Variants in CDON observed in about 807,000 individuals in gnomAD.
CDON encodes the protein cell adhesion molecule-related/down-regulated by oncogenes.
A neutral mutation model predicts 120.9 loss-of-function variants in CDON; 73 were observed. That is an observed-to-expected ratio of 0.60 (90% CI 0.50 to 0.73). CDON has a LOEUF of 0.73. Among genes scored for constraint, CDON ranks in the 30% least tolerant of loss-of-function variants. CDON has a pLI of 0.00. For missense variants in CDON, 1,470 were observed against 1,587.3 expected, an observed-to-expected ratio of 0.93 and a Z score of 1.26; for synonymous variants, 566 against 573.5, an observed-to-expected ratio of 0.99 and a Z score of 0.19.
chr11:126,036,001 A>T lies in CDON; in HGVS notation c.-61-12464T>A, dbSNP rs536840700. Among the ~76,000 whole-genome samples, 9 of 152,306 alleles carry T rather than the reference A, an allele frequency of 5.9e-5. No individual in the cohort carries two copies. The South Asian group carries it at 1.9e-3, about 32-fold the overall frequency. On this transcript the variant is annotated intron_variant, in intron 1 of 19. Coordinates refer to ENST00000531738, the MANE Select transcript of CDON (RefSeq NM_001378964.1). The stretch of plus-strand genomic sequence containing the variant: ...CAGATTGTAACACAACACTGGCAGG[A>T]TGGTCAAAGAAATAATTCACAGACA...
At chr11:126,055,739 T>A (rs1470623253) in intron 1 of CDON, among the ~76,000 whole-genome samples, 1 of 152,230 alleles carries the variant, frequency 6.6e-6, no homozygotes, top group Non-Finnish European at 1.5e-5. Context: ...GCTTCAGATG[T>A]GTACCTATAT....
rs2134694209 is a variant in CDON, at chr11:126,021,368, T to A, written c.229A>T (p.Ile77Phe). Residue 77 changes from isoleucine (I) to phenylalanine (F), a missense_variant, in exon 3 of 20, where the codon ATT becomes TTT. By Grantham distance (21) the Ile-to-Phe change is conservative. Transcript: ENST00000531738. ...AGAATTGTCAGAGTCCCCTGATGAA[T>A]CTTAACATGTTCCAGGTTTCCATCC... is the stretch of plus-strand genomic sequence containing the variant. The part of the protein sequence containing the change: ...TLDGNLEHVK[I>F]HQGTLTILSL... 6.2e-7 allele frequency: 1 copy of A among 1,614,078 alleles called. No homozygotes were observed. Among genetic ancestry groups the A allele is most frequent in the African/African-American group, 1.3e-5 (1 of 75,004 alleles).
At position 126,005,972 on chromosome 11, in the gene CDON, T is replaced by C; in HGVS notation, c.1638A>G (p.Ser546=). The C allele has an allele frequency of 1.2e-6, 2 of 1,614,172 alleles. No individual in the cohort carries two copies. Among genetic ancestry groups the C allele is most frequent in the Non-Finnish European group, 8.5e-7 (1 of 1,180,016 alleles). ...QNDDRSKRDG[S]ETGLLSSFPV... is the part of the protein sequence containing the mutation. The stretch of plus-strand genomic sequence containing the variant: ...GAAATGAGCTCAGTAACCCAGTTTC[T>C]GAACCATCTCTCTTACTTCTGTCAT... Residue 546 remains serine, a synonymous_variant, in exon 9 of 20, where the codon TCA becomes TCG. Transcript: ENST00000531738.
At chr11:125,965,952 T>C (rs1341479408) in intron 18 of CDON, among the ~76,000 whole-genome samples, 1 of 152,050 alleles carries the variant, frequency 6.6e-6, no homozygotes, top group Non-Finnish European at 1.5e-5. Context: ...CTGACCAACA[T>C]GGAGAAACCG....
At chr11:125,987,847 T>C (rs1946512343) in intron 15 of CDON, among the ~76,000 whole-genome samples, 1 of 152,126 alleles carries the variant, frequency 6.6e-6, no homozygotes, top group African/African-American at 2.4e-5. Context: ...AGTCTAAAGG[T>C]ATATGGATAT....
chr11:126,010,409 G>T lies in CDON; in HGVS notation c.1484C>A (p.Ala495Glu). The T allele has an allele frequency of 6.2e-7, 1 of 1,614,038 alleles. No homozygotes were observed. The highest frequency in any genetic ancestry group is 8.5e-7 in the Non-Finnish European group (1 of 1,179,980). The change falls in exon 8 of 20, where the codon GCG becomes GAG. Residue 495 changes from alanine (A) to glutamate (E), a missense_variant. Ala to Glu is a moderately radical substitution (Grantham distance 107). Transcript: ENST00000531738. ...LHIQAVTQEH[A>E]GKYICEAANE... ...TGCAGCTTCGCAGATGTATTTCCCC[G>T]CATGTTCCTGAGTCACAGCCTGAAT...
At chr11:125,988,097 C>G (rs1946519852) in intron 15 of CDON, among the ~76,000 whole-genome samples, 1 of 152,126 alleles carries the variant, frequency 6.6e-6, no homozygotes, top group African/African-American at 2.4e-5. Flanking sequence ...TACGAGAGCT[C>G]CAATTTTGTT....
chr11:126,013,475 T>G (rs1405781671), intron 7 of CDON, among the ~76,000 whole-genome samples: 1 of 152,204 alleles, frequency 6.6e-6, no homozygotes, highest in Non-Finnish European at 1.5e-5. Flanking sequence ...CTAATTCAAC[T>G]TCTTTCATAG....
chr11:126,014,984 T>C (rs911329162), intron 7 of CDON: 14 of 491,682 alleles, frequency 2.8e-5, no homozygotes, highest in South Asian at 2.3e-4. Flanking sequence ...AAGAGAGAGA[T>C]TGTACCATAT....
chr11:125,969,680 A>T (rs1945906260), intron 18 of CDON, among the ~76,000 whole-genome samples: 1 of 152,216 alleles, frequency 6.6e-6, no homozygotes, highest in Non-Finnish European at 1.5e-5. Flanking sequence ...TACATACAAA[A>T]ATCTAAGCTG....
intron 14 of CDON, 69 bp downstream of exon 14, chr11:125,994,215 A>G (rs975385262): frequency 1.2e-6 from 1 of 832,264 alleles, no homozygotes; most frequent in African/African-American, 1.7e-5. Context: ...GGGATGATGC[A>G]TTTTATATTC....
intron 1 of CDON, among the ~76,000 whole-genome samples, chr11:126,038,171 C>T (rs1357683015): frequency 1.3e-5 from 2 of 152,070 alleles, no homozygotes; most frequent in Non-Finnish European, 2.9e-5. Context: ...CCTGGAGAGG[C>T]GGGCCTTTCA....
In CDON at chr11:125,958,413, T is replaced by A. The variant is rs771517699; in HGVS notation, c.*2529A>T. ...ACAGTAGTTATTCAGCACGTGTTAG[T>A]GCTGTCTCCCACACTGTACCATGTC... On this transcript the variant is annotated 3_prime_UTR_variant, in exon 20 of 20. Transcript: ENST00000531738. The A allele has an allele frequency of 6.6e-6, 1 of 152,142 alleles. No homozygotes were observed. The highest frequency in any genetic ancestry group is 1.5e-5 in the Non-Finnish European group (1 of 68,042). The allele number at this position is 152,142 out of a possible 1,614,324, so 9.4% of individuals were successfully genotyped here.
chr11:126,037,466 A>G (rs895855428), intron 1 of CDON, among the ~76,000 whole-genome samples: 1 of 152,168 alleles, frequency 6.6e-6, no homozygotes, highest in Admixed American at 6.5e-5. Context: ...AACTGCAAAG[A>G]GCAGTTTTTC....
upstream of CDON, among the ~76,000 whole-genome samples, chr11:126,063,005 G>A (rs571625893): frequency 2.6e-5 from 4 of 151,888 alleles, no homozygotes; most frequent in Admixed American, 6.6e-5. Flanking sequence ...GGGCCGTAGA[G>A]GCCGCTGTGC....
intron 1 of CDON, among the ~76,000 whole-genome samples, chr11:126,024,120 GAC>G (rs762953890): frequency 3.3e-5 from 5 of 152,170 alleles, no homozygotes; most frequent in Non-Finnish European, 7.3e-5. Context: ...GCACTATTGT[GAC>G]AGTGGGATAA....
rs769923805 is a variant in CDON, at chr11:126,003,947, C to T, written c.1981G>A (p.Ala661Thr). Residue 661 changes from alanine to threonine, a missense_variant, in exon 10 of 20, where the codon GCA becomes ACA. Transcript: ENST00000531738. ...AGCATGGCAGGTTGGCCTTCACCTG[C>T]TGCGCTTCTTGCTACCATCAAGACT... Reference protein sequence around the residue: ...YEVLMVARSAAGEGQPAMLTF... With the variant: ...YEVLMVARSATGEGQPAMLTF... 2 of 1,614,158 alleles carry T rather than the reference C, an allele frequency of 1.2e-6. No individual in the cohort carries two copies. The highest frequency in any genetic ancestry group is 3.3e-5 in the Admixed American group (2 of 60,020).
intron 18 of CDON, among the ~76,000 whole-genome samples, chr11:125,968,690 G>A (rs889862855): frequency 5.9e-5 from 9 of 152,104 alleles, no homozygotes; most frequent in South Asian, 4.1e-4. Context: ...TGGTGTTGAC[G>A]GTAACATACT....
intron 14 of CDON, among the ~76,000 whole-genome samples, chr11:125,990,772 T>A (rs1020512974): frequency 1.3e-5 from 2 of 152,214 alleles, no homozygotes; most frequent in Non-Finnish European, 2.9e-5. Flanking sequence ...AATCTGAAAG[T>A]ACAAGCCTCT....
Sources: gnomAD v4.1 joint callset for allele counts (sites outside exome capture counted in the v4.1 genomes callset) on GRCh38, gnomAD v4.1.1 for gene constraint, MANE v1.5 for transcripts, NCBI Gene and HGNC (gene_info 2026-07-23, HGNC 2026-07-21) for gene names.